The following LARP4 variants were observed in gnomAD, a reference collection of about 807,000 sequenced individuals.
LARP4 encodes the protein La ribonucleoprotein 4, also known as la-related protein 4.
In LARP4, 29 loss-of-function variants were observed where a neutral mutation model predicts 92.9. The ratio of observed to expected loss-of-function variants is 0.31; its 90% confidence interval spans 0.23 to 0.43. The LOEUF (loss-of-function observed/expected upper bound fraction) is 0.43, where lower values mean the gene tolerates loss of function less well. LARP4 is among the 20% of genes least tolerant of loss of function. LARP4 has a pLI of 1.00. For missense variants in LARP4, 732 were observed against 860.0 expected, an observed-to-expected ratio of 0.85 and a Z score of 1.86; for synonymous variants, 279 against 284.1, an observed-to-expected ratio of 0.98 and a Z score of 0.18.
intron 1 of LARP4, among the ~76,000 whole-genome samples, chr12:50,411,490 T>A (rs1397693070): frequency 1.3e-5 from 2 of 151,436 alleles, no homozygotes; most frequent in African/African-American, 4.8e-5. Flanking sequence ...ATTACAGACG[T>A]GCACCACCAA....
intron 1 of LARP4, among the ~76,000 whole-genome samples, chr12:50,422,293 A>G (rs1947935494): frequency 6.6e-6 from 1 of 152,148 alleles, no homozygotes; most frequent in African/African-American, 2.4e-5. Context: ...AGGGGAGATG[A>G]TACATATAAA....
rs1358062694 is a variant in LARP4, at chr12:50,463,418, TCCAAAAAAAAAAAA to T, written c.1383+789_1383+802del. On this transcript the variant is annotated intron_variant, in intron 12 of 15. Coordinates refer to ENST00000398473, the MANE Select transcript of LARP4 (RefSeq NM_052879.5). ...GGGCAAGGTGATGAAACCCCATCTC[TCCAAAAAAAAAAAA>T]AAAAAAAAAAAAAAAATTAGCCAGG... Among the ~76,000 whole-genome samples, 166 of 32,222 alleles carry T rather than the reference TCCAAAAAAAAAAAA, an allele frequency of 5.2e-3. 3 individuals are homozygous for T. Among genetic ancestry groups the T allele is most frequent in the African/African-American group, 0.013 (152 of 11,858 alleles). The allele number at this position is 32,222 out of a possible 152,430, so 21.1% of individuals were successfully genotyped here. A position where few individuals can be genotyped will look rare whatever the true frequency, so the allele number is the denominator to read the frequency against.
intron 1 of LARP4, among the ~76,000 whole-genome samples, chr12:50,419,548 C>G (rs1039699392): frequency 3.3e-5 from 5 of 152,124 alleles, no homozygotes; most frequent in African/African-American, 4.8e-5. Flanking sequence ...AAATTTAAAT[C>G]TAGTCCAGAT....
At chr12:50,422,551 C>A (rs1191316103) in intron 1 of LARP4, among the ~76,000 whole-genome samples, 2 of 151,852 alleles carry the variant, frequency 1.3e-5, no homozygotes, top group African/African-American at 4.8e-5. Context: ...ATATTAGTAT[C>A]CATCTGAGTT....
At chr12:50,466,852 G>C (rs940225169) in intron 12 of LARP4, 107 bp from the exon 13 acceptor site, 3 of 1,001,084 alleles carry the variant, frequency 3.0e-6, no homozygotes, top group Non-Finnish European at 4.5e-6. Context: ...GTGCATTATA[G>C]AGGTTTTGTT....
intron 1 of LARP4, among the ~76,000 whole-genome samples, chr12:50,413,513 A>G (rs898942650): frequency 6.6e-6 from 1 of 152,162 alleles, no homozygotes; most frequent in Non-Finnish European, 1.5e-5. Flanking sequence ...TGCCTTGTTC[A>G]GGGATACATC....
intron 5 of LARP4, among the ~76,000 whole-genome samples, chr12:50,436,106 G>A (rs1457418434): frequency 2.1e-5 from 3 of 141,322 alleles, no homozygotes; most frequent in African/African-American, 7.7e-5. Context: ...CCGCTGGTGT[G>A]TGTGTGTGTG....
At chr12:50,446,227 C>T (rs1327304562) in intron 8 of LARP4, among the ~76,000 whole-genome samples, 3 of 148,470 alleles carry the variant, frequency 2.0e-5, no homozygotes, top group African/African-American at 5.0e-5. Context: ...AGGATGGTCT[C>T]GATTTCCTGA....
chr12:50,462,571 C>A lies in LARP4; in HGVS notation c.1335-11C>A. 29 of 338,720 alleles carry A rather than the reference C, an allele frequency of 8.6e-5. No individual in the cohort carries two copies. Among genetic ancestry groups the A allele is most frequent in the Non-Finnish European group, 1.3e-4 (27 of 201,738 alleles). The allele number at this position is 338,720 out of a possible 1,614,324, so 21.0% of individuals were successfully genotyped here. A position where few individuals can be genotyped will look rare whatever the true frequency, so the allele number is the denominator to read the frequency against. On this transcript the variant is annotated splice_polypyrimidine_tract_variant and intron_variant, in intron 11 of 15. Transcript: ENST00000398473. ...CACCCCACCCCACCCCCACCTTTTT[C>A]TTATTAAAAGGAGAACTCTCTTCAG...
chr12:50,451,779 G>T (rs947091841), intron 8 of LARP4, among the ~76,000 whole-genome samples: 3 of 151,932 alleles, frequency 2.0e-5, no homozygotes, highest in African/African-American at 7.3e-5. Context: ...GGAGGTTGTG[G>T]TGAGCTGAGA....
chr12:50,429,180 T>C (rs1949263950), intron 3 of LARP4, 90 bp downstream of exon 3: 2 of 863,022 alleles, frequency 2.3e-6, no homozygotes, highest in Non-Finnish European at 3.6e-6. Flanking sequence ...GATAAACCTA[T>C]GGCATTATTT....
At chr12:50,429,785 C>T (rs1046937487) in intron 3 of LARP4, among the ~76,000 whole-genome samples, 2 of 151,854 alleles carry the variant, frequency 1.3e-5, no homozygotes, top group South Asian at 2.1e-4. Context: ...ATTACAGGCA[C>T]GCGCCACCAC....
intron 3 of LARP4, among the ~76,000 whole-genome samples, chr12:50,430,111 T>C (rs1310533378): frequency 6.7e-6 from 1 of 149,526 alleles, no homozygotes; most frequent in Non-Finnish European, 1.5e-5. Flanking sequence ...CACAGTGGCT[T>C]ATGCCTGTGG....
chr12:50,433,103 C>T (rs182521036), intron 4 of LARP4, among the ~76,000 whole-genome samples: 5 of 152,010 alleles, frequency 3.3e-5, no homozygotes, highest in African/African-American at 9.6e-5. Flanking sequence ...TTACACTTAC[C>T]ACATACTTAT....
intron 8 of LARP4, among the ~76,000 whole-genome samples, chr12:50,452,361 T>G (rs1953362023): frequency 6.6e-6 from 1 of 152,144 alleles, no homozygotes; most frequent in Non-Finnish European, 1.5e-5. Flanking sequence ...TTTGTGTTTT[T>G]GGTAGAGACG....
rs1956211989 is a variant in LARP4, at chr12:50,466,821, T to C, written c.1384-138T>C. 5.7e-6 allele frequency: 4 copies of C among 697,090 alleles called. No homozygotes were observed. The Admixed American group carries it at 8.4e-5, about 15-fold the overall frequency. The allele number at this position is 697,090 out of a possible 1,614,324, so 43.2% of individuals were successfully genotyped here. ...CTCAAGTGAGATGTCAAACCAAGAA[T>C]TTATGTAGGGATACAGTTCTGTGCA... On this transcript the variant is annotated intron_variant, in intron 12 of 15. Transcript: ENST00000398473.
At position 50,477,838 on chromosome 12, in the gene LARP4, A is replaced by G. The variant is rs1050913872; in HGVS notation, c.*1974A>G. 6 of 152,520 alleles carry G rather than the reference A, an allele frequency of 3.9e-5. No homozygotes were observed. Among genetic ancestry groups the G allele is most frequent in the Admixed American group, 1.3e-4 (2 of 15,276 alleles). 9.4% of individuals were successfully genotyped at this position (152,520 alleles called of 1,614,324 possible). ...TTTAGGTCCTTTAAAAAAACATATT[A>G]ATCATTGACTACATCTATGATAAAA... On this transcript the variant is annotated 3_prime_UTR_variant, in exon 16 of 16. Coordinates refer to ENST00000398473, the MANE Select transcript of LARP4 (RefSeq NM_052879.5).
chr12:50,426,924 G>C (rs1948881315), intron 1 of LARP4, among the ~76,000 whole-genome samples: 1 of 151,818 alleles, frequency 6.6e-6, no homozygotes, highest in African/African-American at 2.4e-5. Flanking sequence ...GTTTTGTAGA[G>C]ACAGCGTTTC....
chr12:50,451,714 G>A (rs1953225836), intron 8 of LARP4, among the ~76,000 whole-genome samples: 1 of 152,140 alleles, frequency 6.6e-6, no homozygotes, highest in Admixed American at 6.5e-5. Context: ...GTATGTGCCT[G>A]TAATCCCAGC....
Sources: allele counts gnomAD v4.1 joint callset (sites outside exome capture counted in the v4.1 genomes callset), GRCh38; gene constraint gnomAD v4.1.1; transcripts MANE v1.5; gene names NCBI Gene and HGNC (gene_info 2026-07-23, HGNC 2026-07-21).